The following RBM20 variants were observed in gnomAD, a reference collection of about 807,000 sequenced individuals.
RBM20 encodes RNA-binding protein 20.
Under a neutral mutation model 110.1 loss-of-function variants are expected in RBM20, and 51 were observed. The ratio of observed to expected loss-of-function variants is 0.46; its 90% CI spans 0.37 to 0.59. The LOEUF (loss-of-function observed/expected upper bound fraction) is 0.59. Among genes scored for constraint, RBM20 ranks in the 20% least tolerant of loss-of-function variants. The probability of loss-of-function intolerance (pLI) is 0.00; values close to 1 mark genes in which losing one functional copy is unlikely to be tolerated. For synonymous variants in RBM20, 589 were observed against 618.2 expected (o/e 0.95, Z 0.70); for missense variants, 1,512 against 1,574.9 (o/e 0.96, Z 0.68).
At position 110,780,825 on chromosome 10, in the gene RBM20, C is replaced by G; in HGVS notation, c.216C>G (p.Asn72Lys). The G allele has an allele frequency of 6.5e-7, 1 of 1,532,996 alleles. No individual in the cohort carries two copies. Among genetic ancestry groups the G allele is most frequent in the Non-Finnish European group, 8.8e-7 (1 of 1,135,866 alleles). The allele number at this position is 1,532,996 out of a possible 1,614,324, so 95.0% of individuals were successfully genotyped here. A position where few individuals can be genotyped will look rare whatever the true frequency, so the allele number is the denominator to read the frequency against. Reference sequence around the variant, plus strand: ...GTGCCGCCAAGCTCCTGGACAAGAACCCATTCTCGGTCAGTAACCCGAACC... The same window carrying G: ...GTGCCGCCAAGCTCCTGGACAAGAAGCCATTCTCGGTCAGTAACCCGAACC... ...IQNAAKLLDK[N>K]PFSVSNPNPL... The change falls in exon 2 of 14, where the codon AAC becomes AAG. Residue 72 changes from asparagine to lysine, a missense_variant. Around this residue, in one of 3 missense-constraint regions of RBM20, gnomAD observed 1,149 missense variants for 1,169.4 expected, o/e 0.98. Coordinates refer to ENST00000369519, the MANE Select transcript of RBM20 (RefSeq NM_001134363.3).
chr10:110,773,604 G>A (rs1001438265), intron 1 of RBM20, among the ~76,000 whole-genome samples: 1 of 152,120 alleles, frequency 6.6e-6, no homozygotes, highest in Non-Finnish European at 1.5e-5. Context: ...TGGTTCAGAA[G>A]GATGGAAAGA....
chr10:110,779,976 C>T (rs1439741534), intron 1 of RBM20, among the ~76,000 whole-genome samples: 1 of 151,166 alleles, frequency 6.6e-6, no homozygotes, highest in East Asian at 1.9e-4. Context: ...TTTCTCATGT[C>T]ATTAAAGTGG....
chr10:110,694,991 C>T (rs530859251), intron 1 of RBM20, among the ~76,000 whole-genome samples: 15 of 152,262 alleles, frequency 9.9e-5, no homozygotes, highest in African/African-American at 2.9e-4. Context: ...AGGTTGTGTC[C>T]TTACCTCTTG....
At chr10:110,686,383 G>A (rs565827109) in intron 1 of RBM20, among the ~76,000 whole-genome samples, 1 of 151,370 alleles carries the variant, frequency 6.6e-6, no homozygotes, top group East Asian at 1.9e-4. Context: ...TCCTTCCCCC[G>A]ATCCCACCCC....
At chr10:110,825,915 C>A (rs912099378) in intron 12 of RBM20, among the ~76,000 whole-genome samples, 8 of 152,142 alleles carry the variant, frequency 5.3e-5, no homozygotes, top group African/African-American at 1.9e-4. Flanking sequence ...CTGGCAAAAA[C>A]CAGAGTCAGG....
chr10:110,792,754 G>C (rs779475019), intron 5 of RBM20, among the ~76,000 whole-genome samples: 20 of 152,194 alleles, frequency 1.3e-4, no homozygotes, highest in Non-Finnish European at 2.9e-4. Flanking sequence ...TATTCATGGA[G>C]CTGCAGGATT....
At chr10:110,796,399 C>G (rs1844551209) in intron 5 of RBM20, among the ~76,000 whole-genome samples, 2 of 152,214 alleles carry the variant, frequency 1.3e-5, no homozygotes, top group Admixed American at 1.3e-4. Context: ...CTTGCTTCAT[C>G]TGTCTTTTTT....
chr10:110,801,676 G>C (rs1235612775), intron 7 of RBM20, among the ~76,000 whole-genome samples: 1 of 149,334 alleles, frequency 6.7e-6, no homozygotes, highest in Non-Finnish European at 1.5e-5. Flanking sequence ...TGGGACTACA[G>C]GCACACACCA....
At chr10:110,767,468 C>G (rs1844117440) in intron 1 of RBM20, among the ~76,000 whole-genome samples, 1 of 143,168 alleles carries the variant, frequency 7.0e-6, no homozygotes, top group Admixed American at 6.9e-5. Flanking sequence ...GGCTGCCGGG[C>G]GGAGGGGCTC....
chr10:110,786,283 C>T (rs191571899), intron 5 of RBM20, among the ~76,000 whole-genome samples: 130 of 152,382 alleles, frequency 8.5e-4, no homozygotes, highest in African/African-American at 2.8e-3. Flanking sequence ...TTGCTGCAGC[C>T]TCTTTCTCTC....
At chr10:110,824,231 G>A (rs1397769567) in intron 12 of RBM20, among the ~76,000 whole-genome samples, 2 of 152,130 alleles carry the variant, frequency 1.3e-5, no homozygotes, top group African/African-American at 4.8e-5. Context: ...GAGTCTTTAA[G>A]CCTAGCCTTT....
At chr10:110,834,140 G>A (rs1400899834) in intron 13 of RBM20, among the ~76,000 whole-genome samples, 2 of 152,196 alleles carry the variant, frequency 1.3e-5, no homozygotes, top group South Asian at 2.1e-4. Context: ...GTCAGCGCTC[G>A]ATAGGAAAAC....
Position 110,784,394 on chromosome 10 carries a change from C to G in RBM20, c.1391C>G (p.Pro464Arg), listed in dbSNP as rs1844394491. ...GCAGAGGGAACATTGTGTGCTTCTC[C>G]CAACAGCACAGCTGTTTATAACCCT... Reference protein sequence around the residue: ...GSAEGTLCASPNSTAVYNPAG... With the variant: ...GSAEGTLCASRNSTAVYNPAG... Residue 464 changes from proline (P) to arginine (R), a missense_variant, in exon 4 of 14, where the codon CCC becomes CGC. Transcript: ENST00000369519. 1.9e-6 allele frequency: 3 copies of G among 1,551,256 alleles called. No homozygotes were observed. Among genetic ancestry groups the G allele is most frequent in the African/African-American group, 1.4e-5 (1 of 73,026 alleles).
chr10:110,719,800 C>T (rs1843483206), intron 1 of RBM20, among the ~76,000 whole-genome samples: 1 of 152,164 alleles, frequency 6.6e-6, no homozygotes, highest in African/African-American at 2.4e-5. Flanking sequence ...GTAATATGTG[C>T]CTCTTAAGGA....
At chr10:110,775,252 T>G (rs1372152077) in intron 1 of RBM20, among the ~76,000 whole-genome samples, 1 of 152,226 alleles carries the variant, frequency 6.6e-6, no homozygotes, top group Non-Finnish European at 1.5e-5. Flanking sequence ...TTTCTATATT[T>G]TAGCACAAAA....
chr10:110,737,191 A>AAAAAAAAAAAAAAAAAAAAAAAAAAC (rs1564830214), intron 1 of RBM20, among the ~76,000 whole-genome samples: 3 of 143,872 alleles, frequency 2.1e-5, no homozygotes, highest in Admixed American at 6.9e-5. Flanking sequence ...AAAAAAAAAA[A>AAAAAAAAAAAAAAAAAAAAAAAAAAC]AAAAAACACC....
chr10:110,795,412 C>A (rs888299504), intron 5 of RBM20, among the ~76,000 whole-genome samples: 1 of 152,222 alleles, frequency 6.6e-6, no homozygotes, highest in African/African-American at 2.4e-5. Flanking sequence ...AGTGCTTGAC[C>A]TCTGGACATT....
chr10:110,702,307 A>G (rs972871707), intron 1 of RBM20, among the ~76,000 whole-genome samples: 1 of 152,188 alleles, frequency 6.6e-6, no homozygotes, highest in Non-Finnish European at 1.5e-5. Context: ...TGCTAGGCCT[A>G]GGTGGGAGGA....
At position 110,781,330 on chromosome 10, in the gene RBM20, G is replaced by C. The variant is rs932090112; in HGVS notation, c.721G>C (p.Gly241Arg). The C allele has an allele frequency of 6.4e-7, 1 of 1,551,698 alleles. No individual in the cohort carries two copies. The highest frequency in any genetic ancestry group is 2.0e-5 in the Admixed American group (1 of 51,010). The stretch of plus-strand genomic sequence containing the variant: ...CAAAGCCAGCTCTGGCCAGACATAT[G>C]GCCCTGAAACAGATGGTCAGCCTGG... ...YGKASSGQTY[G>R]PETDGQPGFL... The change falls in exon 2 of 14, where the codon GGC becomes CGC. Residue 241 changes from glycine to arginine, a missense_variant. By Grantham distance (125) the Gly-to-Arg change is moderately radical. Transcript: ENST00000369519.
Sources: gnomAD v4.1 joint callset for allele counts (sites outside exome capture counted in the v4.1 genomes callset) on GRCh38, gnomAD v4.1.1 for gene constraint, gnomAD v4.1.1 regional missense constraint, MANE v1.5 for transcripts, NCBI Gene and HGNC (gene_info 2026-07-23, HGNC 2026-07-21) for gene names.